The following SCHIP1 variants were observed in gnomAD, a reference collection of about 807,000 sequenced individuals.
SCHIP1 encodes schwannomin-interacting protein 1.
SCHIP1 carries 8 observed loss-of-function variants against 29.7 expected under a neutral mutation model. The observed-to-expected ratio is 0.27, with a 90% CI of 0.16 to 0.49. The LOEUF (loss-of-function observed/expected upper bound fraction) is 0.49, where lower values mean the gene tolerates loss of function less well. SCHIP1 is among the 20% of genes least tolerant of loss of function. The pLI, the probability that SCHIP1 is intolerant of heterozygous loss-of-function variation, is 0.99. For missense variants in SCHIP1, 193 were observed against 294.6 expected (o/e 0.66, Z 2.52); for synonymous variants, 76 against 94.9 (o/e 0.80, Z 1.16).
chr3:159,585,306 T>A, the SCHIP1 span, among the ~76,000 whole-genome samples: 2 of 152,188 alleles, frequency 1.3e-5, no homozygotes, highest in Non-Finnish European at 2.9e-5. Context: ...AATCAGTGAA[T>A]GAATACTCAA....
At chr3:159,680,182 A>C in the SCHIP1 span, among the ~76,000 whole-genome samples, 2 of 152,054 alleles carry the variant, frequency 1.3e-5, no homozygotes, top group African/African-American at 4.8e-5. Flanking sequence ...CACGCAAAAA[A>C]TGTTTCTAAA....
At chr3:159,701,563 A>C in the SCHIP1 span, among the ~76,000 whole-genome samples, 8 of 152,306 alleles carry the variant, frequency 5.3e-5, no homozygotes, top group African/African-American at 1.9e-4. Flanking sequence ...ATAACCTAAT[A>C]CATGGTAAAT....
the SCHIP1 span, among the ~76,000 whole-genome samples, chr3:159,680,283 G>A: frequency 6.6e-6 from 1 of 151,460 alleles, no homozygotes; most frequent in African/African-American, 2.4e-5. Flanking sequence ...GGCTGAGGTG[G>A]GCGGATCACG....
At chr3:159,557,913 G>A in the SCHIP1 span, among the ~76,000 whole-genome samples, 1 of 152,212 alleles carries the variant, frequency 6.6e-6, no homozygotes, top group Non-Finnish European at 1.5e-5. Flanking sequence ...TCGTGCAAAC[G>A]AGTTTTCCAA....
At chr3:159,426,220 C>CA in the SCHIP1 span, among the ~76,000 whole-genome samples, 5 of 151,892 alleles carry the variant, frequency 3.3e-5, no homozygotes, top group African/African-American at 9.7e-5. Flanking sequence ...AATAGAGACA[C>CA]AAAAAACCCT....
the SCHIP1 span, among the ~76,000 whole-genome samples, chr3:159,532,605 A>T: frequency 6.6e-6 from 1 of 152,252 alleles, no homozygotes; most frequent in South Asian, 2.1e-4. Flanking sequence ...CATAAAGGAA[A>T]AAAATGTCTA....
the SCHIP1 span, among the ~76,000 whole-genome samples, chr3:159,567,204 T>C: frequency 6.6e-6 from 1 of 152,170 alleles, no homozygotes; most frequent in African/African-American, 2.4e-5. Context: ...ATTGTTTCTT[T>C]TTTTCCTGTT....
chr3:159,553,081 T>C, the SCHIP1 span, among the ~76,000 whole-genome samples: 2 of 152,122 alleles, frequency 1.3e-5, no homozygotes, highest in Non-Finnish European at 2.9e-5. Context: ...CCTATTAAGT[T>C]TGGTATTGTC....
the SCHIP1 span, among the ~76,000 whole-genome samples, chr3:159,465,050 A>C: frequency 6.6e-6 from 1 of 152,112 alleles, no homozygotes; most frequent in Non-Finnish European, 1.5e-5. Context: ...TCCAGCCCCC[A>C]GAGAGCTCAG....
chr3:159,810,875 A>G, the SCHIP1 span, among the ~76,000 whole-genome samples: 7 of 152,354 alleles, frequency 4.6e-5, no homozygotes, highest in Non-Finnish European at 1.0e-4. Flanking sequence ...TTTATAAGAA[A>G]CTGCCAAACT....
chr3:159,689,145 G>A, the SCHIP1 span, among the ~76,000 whole-genome samples: 1 of 152,174 alleles, frequency 6.6e-6, no homozygotes, highest in Non-Finnish European at 1.5e-5. Flanking sequence ...AAAGTCAGTG[G>A]TAGCTTGCTG....
At chr3:159,353,622 G>T in the SCHIP1 span, among the ~76,000 whole-genome samples, 1 of 152,068 alleles carries the variant, frequency 6.6e-6, no homozygotes, top group Non-Finnish European at 1.5e-5. Flanking sequence ...AAAAATCGGG[G>T]CTAAAAATAC....
the SCHIP1 span, among the ~76,000 whole-genome samples, chr3:159,791,396 A>G: frequency 6.6e-6 from 1 of 152,228 alleles, no homozygotes; most frequent in Non-Finnish European, 1.5e-5. Flanking sequence ...GACCAAGACA[A>G]CAAAAGGGAA....
the SCHIP1 span, among the ~76,000 whole-genome samples, chr3:159,829,948 G>A: frequency 6.6e-6 from 1 of 152,162 alleles, no homozygotes; most frequent in Admixed American, 6.5e-5. Flanking sequence ...TTTATAATCA[G>A]AAATATGAGT....
At chr3:159,731,957 C>T in the SCHIP1 span, among the ~76,000 whole-genome samples, 2 of 152,114 alleles carry the variant, frequency 1.3e-5, no homozygotes, top group African/African-American at 4.8e-5. Context: ...AAGCATTCTC[C>T]TGTCTCAGCC....
the SCHIP1 span, among the ~76,000 whole-genome samples, chr3:159,442,210 A>C: frequency 6.6e-6 from 1 of 152,216 alleles, no homozygotes; most frequent in Non-Finnish European, 1.5e-5. Flanking sequence ...AGGTTGAGCT[A>C]AAGTAAACTC....
At chr3:159,593,167 A>G in the SCHIP1 span, among the ~76,000 whole-genome samples, 4 of 152,214 alleles carry the variant, frequency 2.6e-5, no homozygotes, top group Non-Finnish European at 5.9e-5. Flanking sequence ...CCTGGCACTT[A>G]GTAAATATTT....
the SCHIP1 span, among the ~76,000 whole-genome samples, chr3:159,601,914 C>A: frequency 6.6e-6 from 1 of 152,174 alleles, no homozygotes; most frequent in Non-Finnish European, 1.5e-5. Flanking sequence ...GCTATTGTTC[C>A]GAGAGCAGAA....
the SCHIP1 span, among the ~76,000 whole-genome samples, chr3:159,563,307 A>G: frequency 2.6e-5 from 4 of 152,130 alleles, no homozygotes. Flanking sequence ...AGGCTGCCAC[A>G]ATGTTACGTA....
Sources: allele counts gnomAD v4.1 joint callset (sites outside exome capture counted in the v4.1 genomes callset), GRCh38; gene constraint gnomAD v4.1.1; transcripts MANE v1.5; gene names NCBI Gene and HGNC (gene_info 2026-07-23, HGNC 2026-07-21).